OMA1: variants seen among roughly 807,000 people sequenced by gnomAD.
OMA1 encodes OMA1 zinc metallopeptidase, also known as metalloendopeptidase OMA1, mitochondrial.
A neutral mutation model predicts 30.9 loss-of-function variants in OMA1; 38 were observed. The ratio of observed to expected loss-of-function variants is 1.23; its 90% CI spans 0.95 to 1.61. The LOEUF is 1.61. Ranked by LOEUF, OMA1 falls within the 40% of genes most tolerant of loss-of-function variation. OMA1 has a pLI of 0.00. For missense variants in OMA1, 461 were observed against 349.2 expected (o/e 1.32, Z -2.55); for synonymous variants, 173 against 121.9 (o/e 1.42, Z -2.76).
intron 8 of OMA1, among the ~76,000 whole-genome samples, chr1:58,496,182 G>T (rs984361112): frequency 3.1e-4 from 46 of 148,462 alleles, no homozygotes; most frequent in African/African-American, 1.0e-3. Flanking sequence ...TTTTTTTTTG[G>T]CTTTGGGCAT....
chr1:58,511,634 C>T (rs542544714), intron 7 of OMA1, among the ~76,000 whole-genome samples: 84 of 151,874 alleles, frequency 5.5e-4, no homozygotes, highest in African/African-American at 1.3e-3. Flanking sequence ...GTCTCAAAAA[C>T]GAACACACAC....
At chr1:58,535,964 T>C (rs957060685) in intron 3 of OMA1, among the ~76,000 whole-genome samples, 7 of 151,558 alleles carry the variant, frequency 4.6e-5, no homozygotes, top group Non-Finnish European at 7.3e-5. Flanking sequence ...TACTCTTACA[T>C]ACTGTGTTAG....
At chr1:58,492,400 G>GAAAAT (rs200721671) in intron 8 of OMA1, among the ~76,000 whole-genome samples, 12,219 of 151,888 alleles carry the variant, frequency 0.08, 498 homozygotes, top group Middle Eastern at 0.16. Context: ...CAGAAGGCAA[G>GAAAAT]AAAATAACTA....
At chr1:58,520,458 C>A (rs1646244740) in intron 7 of OMA1, among the ~76,000 whole-genome samples, 1 of 152,024 alleles carries the variant, frequency 6.6e-6, no homozygotes, top group South Asian at 2.1e-4. Flanking sequence ...TGCCAATAGA[C>A]ACATAAAAAT....
At chr1:58,537,949 G>A (rs1646543325) in intron 2 of OMA1, among the ~76,000 whole-genome samples, 1 of 152,184 alleles carries the variant, frequency 6.6e-6, no homozygotes, top group Non-Finnish European at 1.5e-5. Context: ...ATCAGAAAGA[G>A]CATCCGAAGA....
At chr1:58,530,053 T>C (rs1646410857) in intron 6 of OMA1, among the ~76,000 whole-genome samples, 1 of 152,262 alleles carries the variant, frequency 6.6e-6, no homozygotes, top group East Asian at 1.9e-4. Flanking sequence ...GCTAATTTTT[T>C]TGTATTTTTA....
At chr1:58,529,372 AC>A in intron 6 of OMA1, among the ~76,000 whole-genome samples, 1 of 152,228 alleles carries the variant, frequency 6.6e-6, no homozygotes, top group East Asian at 1.9e-4. Context: ...AAGATGTAAA[AC>A]AAAAAAATTA....
intron 8 of OMA1, among the ~76,000 whole-genome samples, chr1:58,481,588 T>C (rs974479642): frequency 4.6e-5 from 7 of 152,100 alleles, no homozygotes; most frequent in South Asian, 2.1e-4. Flanking sequence ...AAAAAAGATA[T>C]ACATAACTGA....
chr1:58,525,533 C>T (rs1027508411), intron 7 of OMA1, among the ~76,000 whole-genome samples: 1 of 151,896 alleles, frequency 6.6e-6, no homozygotes, highest in Admixed American at 6.6e-5. Flanking sequence ...TTCCTACATA[C>T]AAAAAAATTT....
At chr1:58,491,191 A>G (rs1645681429) in intron 8 of OMA1, among the ~76,000 whole-genome samples, 1 of 152,108 alleles carries the variant, frequency 6.6e-6, no homozygotes. Flanking sequence ...GAGAAATAAA[A>G]TACTTTACAG....
Position 58,481,104 on chromosome 1 carries a change from A to C in OMA1, c.1436T>G (p.Leu479Arg). 2 of 871,966 alleles carry C rather than the reference A, an allele frequency of 2.3e-6. No homozygotes were observed. Among genetic ancestry groups the C allele is most frequent in the South Asian group, 1.3e-5 (1 of 76,506 alleles). 54.0% of individuals were successfully genotyped at this position (871,966 alleles called of 1,614,324 possible). A position where few individuals can be genotyped will look rare whatever the true frequency, so the allele number is the denominator to read the frequency against. Residue 479 changes from leucine (L) to arginine (R), a missense_variant, in exon 9 of 9, where the codon CTC (leucine) becomes CGC (arginine). By Grantham distance (102) the Leu-to-Arg change is moderately radical. Transcript: ENST00000371226. ...SNPDPRLLFK[L>R]STKHFLEESE... ...TTCTTCAAGAAAATGCTTCGTGCTG[A>C]GTTTGAATAGTAATCGAGGGTCTGG...
chr1:58,500,820 T>C (rs1344593399), intron 8 of OMA1, among the ~76,000 whole-genome samples: 2 of 152,158 alleles, frequency 1.3e-5, no homozygotes, highest in Admixed American at 6.5e-5. Flanking sequence ...AGAAATTCAG[T>C]CTAAATGTTT....
intron 7 of OMA1, among the ~76,000 whole-genome samples, chr1:58,526,130 A>T (rs1646346368): frequency 6.6e-6 from 1 of 152,118 alleles, no homozygotes; most frequent in Non-Finnish European, 1.5e-5. Context: ...AACACACTTA[A>T]CATATAGGGA....
intron 8 of OMA1, among the ~76,000 whole-genome samples, chr1:58,487,336 G>A (rs1004353475): frequency 3.3e-5 from 5 of 152,218 alleles, no homozygotes; most frequent in African/African-American, 1.2e-4. Context: ...TGCTGCTCAT[G>A]CATTTGAGGA....
intron 7 of OMA1, among the ~76,000 whole-genome samples, chr1:58,512,915 GA>G (rs1433599397): frequency 3.9e-5 from 6 of 151,924 alleles, no homozygotes; most frequent in Admixed American, 2.0e-4. Context: ...CTAAAAAAGA[GA>G]AAAAAAGTAA....
At chr1:58,498,186 A>G (rs11207244) in intron 8 of OMA1, among the ~76,000 whole-genome samples, 3,319 of 152,038 alleles carry the variant, frequency 0.022, 74 homozygotes, top group African/African-American at 0.061. Context: ...TATTCAAATT[A>G]TTCTCTATCT....
At chr1:58,535,489 G>A (rs1352455786) in intron 3 of OMA1, among the ~76,000 whole-genome samples, 1 of 151,770 alleles carries the variant, frequency 6.6e-6, no homozygotes, top group East Asian at 1.9e-4. Context: ...CCAGCTACTC[G>A]GGAGGCTGAG....
intron 8 of OMA1, among the ~76,000 whole-genome samples, chr1:58,485,226 A>AC (rs1254157783): frequency 8.9e-6 from 1 of 112,380 alleles, no homozygotes; most frequent in Non-Finnish European, 1.8e-5. Flanking sequence ...AGAGTCTACT[A>AC]CTAAAAAAAA....
chr1:58,503,925 C>A (rs1645947403), intron 8 of OMA1, among the ~76,000 whole-genome samples: 1 of 152,222 alleles, frequency 6.6e-6, no homozygotes, highest in Non-Finnish European at 1.5e-5. Context: ...AAATTACCAA[C>A]AAATCCTGTC....
Sources: allele counts gnomAD v4.1 joint callset (sites outside exome capture counted in the v4.1 genomes callset), GRCh38; gene constraint gnomAD v4.1.1; transcripts MANE v1.5; gene names NCBI Gene and HGNC (gene_info 2026-07-23, HGNC 2026-07-21).